Variants in DBNL observed in about 807,000 individuals in gnomAD.
DBNL encodes drebrin-like protein.
In DBNL, 35 loss-of-function variants were observed where a neutral mutation model predicts 62.2. The ratio of observed to expected loss-of-function variants is 0.56; its 90% CI spans 0.43 to 0.75. The LOEUF is 0.75. DBNL is among the 30% of genes least tolerant of loss of function. DBNL has a pLI of 0.00. For missense variants in DBNL, 495 were observed against 578.4 expected (o/e 0.86, Z 1.48); for synonymous variants, 197 against 218.0 (o/e 0.90, Z 0.85).
In DBNL at chr7:44,058,919, G is replaced by A. The variant is rs763390346; in HGVS notation, c.771G>A (p.Pro257=). 9.3e-6 allele frequency: 15 copies of A among 1,613,686 alleles called. No homozygotes were observed. Among genetic ancestry groups the A allele is most frequent in the Admixed American group, 3.3e-5 (2 of 59,960 alleles). Residue 257 remains proline (P), a synonymous_variant, in exon 9 of 13, where the codon CCG becomes CCA. Transcript: ENST00000448521. The stretch of plus-strand genomic sequence containing the variant: ...CCCTCCAGGAGTCTGCCGTGCACCC[G>A]AGGGAGATTTTCAAGCAGAAGGAGA... ...NRNEQESAVH[P]REIFKQKERA...
chr7:44,046,648 C>T (rs1298664670), intron 1 of DBNL, among the ~76,000 whole-genome samples: 3 of 152,220 alleles, frequency 2.0e-5, no homozygotes, highest in Non-Finnish European at 4.4e-5. Flanking sequence ...TGCAGCACTA[C>T]AGGTTGTGTC....
rs1407094714 is a variant in DBNL, at chr7:44,064,334, G to A, written c.*3418G>A. 1 of 199,578 alleles carries A rather than the reference G, an allele frequency of 5.0e-6. No individual in the cohort carries two copies. Among genetic ancestry groups the A allele is most frequent in the Admixed American group, 5.3e-5 (1 of 18,826 alleles). 12.4% of individuals were successfully genotyped at this position (199,578 alleles called of 1,614,324 possible). A position where few individuals can be genotyped will look rare whatever the true frequency, so the allele number is the denominator to read the frequency against. The stretch of plus-strand genomic sequence containing the variant: ...TGCCCAGAGAGGGGCTCCAGAGGGA[G>A]ATAGGTGGTGAAGCTCATGCAGGGA... On this transcript the variant is annotated 3_prime_UTR_variant, in exon 13 of 13. Coordinates refer to ENST00000448521, the MANE Select transcript of DBNL (RefSeq NM_001014436.3).
rs1194470923 is a variant in DBNL, at chr7:44,059,474, G to A, written c.931+25G>A. 6.2e-7 allele frequency: 1 copy of A among 1,613,304 alleles called. No homozygotes were observed. Among genetic ancestry groups the A allele is most frequent in the South Asian group, 1.1e-5 (1 of 91,048 alleles). On this transcript the variant is annotated intron_variant, in intron 10 of 12. Coordinates refer to ENST00000448521, the MANE Select transcript of DBNL (RefSeq NM_001014436.3). This position sits in a 1 kb window ranked among gnomAD's most constrained non-coding sequence, Gnocchi z 4.1. The stretch of plus-strand genomic sequence containing the variant: ...GGCAAGGCGCTTGTCACCCCATGGG[G>A]ACCCTGGGGGACAGCAGTGGAGAAG...
In DBNL at chr7:44,059,921, C is replaced by T; in HGVS notation, c.1048-127C>T. On this transcript the variant is annotated intron_variant, in intron 11 of 12. Transcript: ENST00000448521. This position sits in a 1 kb window ranked among gnomAD's most constrained non-coding sequence, Gnocchi z 4.1. ...CTGGTAGGGCGGGGACAGCAGCAGC[C>T]CAGCCCCCGAGCCTGTAGACTGCTT... is the stretch of plus-strand genomic sequence containing the variant. The T allele has an allele frequency of 1.1e-6, 1 of 948,958 alleles. No homozygotes were observed. Among genetic ancestry groups the T allele is most frequent in the South Asian group, 1.6e-5 (1 of 63,204 alleles). The allele number at this position is 948,958 out of a possible 1,614,324, so 58.8% of individuals were successfully genotyped here.
At position 44,058,525 on chromosome 7, in the gene DBNL, C is replaced by A. The variant is rs536771044; in HGVS notation, c.753+45C>A. On this transcript the variant is annotated intron_variant, in intron 8 of 12. Coordinates refer to ENST00000448521, the MANE Select transcript of DBNL (RefSeq NM_001014436.3). Reference sequence around the variant, plus strand: ...CTTGTTTGGACCTGTCCTGGCCACACGCAGAAGTCCCTGATCTCGGATTGA... The same window carrying A: ...CTTGTTTGGACCTGTCCTGGCCACAAGCAGAAGTCCCTGATCTCGGATTGA... 8 of 1,607,580 alleles carry A rather than the reference C, an allele frequency of 5.0e-6. No individual in the cohort carries two copies. In the South Asian group the frequency reaches 7.8e-5, roughly 16 times the overall value.
At position 44,063,157 on chromosome 7, in the gene DBNL, C is replaced by T. The variant is rs760424587; in HGVS notation, c.*2241C>T. 1 of 582,408 alleles carries T rather than the reference C, an allele frequency of 1.7e-6. No homozygotes were observed. Among genetic ancestry groups the T allele is most frequent in the Non-Finnish European group, 3.1e-6 (1 of 319,410 alleles). The allele number at this position is 582,408 out of a possible 1,614,324, so 36.1% of individuals were successfully genotyped here. A position where few individuals can be genotyped will look rare whatever the true frequency, so the allele number is the denominator to read the frequency against. On this transcript the variant is annotated 3_prime_UTR_variant, in exon 13 of 13. Coordinates refer to ENST00000448521, the MANE Select transcript of DBNL (RefSeq NM_001014436.3). ...GGTGAAAAAAATGGGGACTTCAGCC[C>T]CACCCAAGTGGCTGTGATCTGTGGT...
chr7:44,051,774 A>AGGGCC (rs2096127019), intron 2 of DBNL, 56 bp from the exon 3 acceptor site: 1 of 1,564,260 alleles, frequency 6.4e-7, no homozygotes, highest in Non-Finnish European at 8.8e-7. Context: ...TGGTGGGACC[A>AGGGCC]GGGCCAGCAG....
intron 1 of DBNL, chr7:44,049,839 T>A (rs1427002430): frequency 5.7e-6 from 1 of 175,858 alleles, no homozygotes; most frequent in African/African-American, 2.4e-5. Context: ...AATATGTAGA[T>A]ATGTTTTGTC....
In DBNL at chr7:44,058,989, C is replaced by T. The variant is rs1049070702; in HGVS notation, c.835+6C>T. The T allele has an allele frequency of 1.9e-6, 3 of 1,613,674 alleles. No homozygotes were observed. Among genetic ancestry groups the T allele is most frequent in the Non-Finnish European group, 2.5e-6 (3 of 1,179,868 alleles). On this transcript the variant is annotated splice_donor_region_variant and intron_variant, in intron 9 of 12. Coordinates refer to ENST00000448521, the MANE Select transcript of DBNL (RefSeq NM_001014436.3). Reference sequence around the variant, plus strand: ...CATCTCCAGTCCTCAGCCTGGTGAGCTCTCCCTTTGGGCCTGGCCATGAGG... The same window carrying T: ...CATCTCCAGTCCTCAGCCTGGTGAGTTCTCCCTTTGGGCCTGGCCATGAGG...
intron 1 of DBNL, among the ~76,000 whole-genome samples, chr7:44,045,689 G>A (rs1320177291): frequency 2.0e-5 from 3 of 152,246 alleles, no homozygotes; most frequent in African/African-American, 4.8e-5. Flanking sequence ...TTCCCCTTGT[G>A]TGGGGGCCAT....
In DBNL at chr7:44,064,719, T is replaced by G. The variant is rs1442123020; in HGVS notation, c.*3803T>G. On this transcript the variant is annotated 3_prime_UTR_variant, in exon 13 of 13. Coordinates refer to ENST00000448521, the MANE Select transcript of DBNL (RefSeq NM_001014436.3). Reference sequence around the variant, plus strand: ...AGCCCTCCTTTTTCAGTGAATGATGTGGAGCCCCACGCCTAGAAAGCCTGG... The same window carrying G: ...AGCCCTCCTTTTTCAGTGAATGATGGGGAGCCCCACGCCTAGAAAGCCTGG... The G allele has an allele frequency of 1.3e-5, 12 of 929,396 alleles. No individual in the cohort carries two copies. The African/African-American group carries it at 1.3e-4, about 10-fold the overall frequency. The allele number at this position is 929,396 out of a possible 1,614,324, so 57.6% of individuals were successfully genotyped here. A position where few individuals can be genotyped will look rare whatever the true frequency, so the allele number is the denominator to read the frequency against.
chr7:44,050,354 C>T (rs1429089549), intron 2 of DBNL, 74 bp downstream of exon 2: 2 of 1,540,984 alleles, frequency 1.3e-6, no homozygotes, highest in South Asian at 1.1e-5. Context: ...GCGCACTCAG[C>T]TGTCTTGGTC....
In DBNL at chr7:44,044,704, C is replaced by G. The variant is rs1015260431; in HGVS notation, c.-34C>G. On this transcript the variant is annotated 5_prime_UTR_variant, in exon 1 of 13. Transcript: ENST00000448521. The stretch of plus-strand genomic sequence containing the variant: ...GGGGCGGCCCGGCCCGGCCCGGAAG[C>G]TACAGCAGCGGCGCGGAGACTGCGG... The G allele has an allele frequency of 2.7e-6, 4 of 1,465,450 alleles. No individual in the cohort carries two copies. The Admixed American group carries it at 9.7e-5, about 36-fold the overall frequency. The allele number at this position is 1,465,450 out of a possible 1,614,324, so 90.8% of individuals were successfully genotyped here. A position where few individuals can be genotyped will look rare whatever the true frequency, so the allele number is the denominator to read the frequency against.
chr7:44,050,975 T>C (rs2096125599), intron 2 of DBNL: 1 of 152,354 alleles, frequency 6.6e-6, no homozygotes, highest in South Asian at 2.1e-4. Context: ...ACAATCTTTC[T>C]GGGAGGTGTC....
rs1286294957 is a variant in DBNL, at chr7:44,062,736, A to T, written c.*1820A>T. ...GCGCTGGACTCCAGGCTGTTGGGGG[A>T]GGTGCCTTTATTGCCCAAGCCCACC... is the stretch of plus-strand genomic sequence containing the variant. On this transcript the variant is annotated 3_prime_UTR_variant, in exon 13 of 13. Transcript: ENST00000448521. The T allele has an allele frequency of 6.2e-7, 1 of 1,611,714 alleles. No homozygotes were observed. Among genetic ancestry groups the T allele is most frequent in the African/African-American group, 1.3e-5 (1 of 74,892 alleles).
Position 44,065,073 on chromosome 7 carries a change from ACT to A in DBNL, c.*4160_*4161del. On this transcript the variant is annotated 3_prime_UTR_variant, in exon 13 of 13. Coordinates refer to ENST00000448521, the MANE Select transcript of DBNL (RefSeq NM_001014436.3). The stretch of plus-strand genomic sequence containing the variant: ...CCAGTGGGCCCCCACCCGACTCCCC[ACT>A]CTGCAGCTTCCCAGAGGCCTTCCCA... 5 of 1,611,612 alleles carry A rather than the reference ACT, an allele frequency of 3.1e-6. No homozygotes were observed. The highest frequency in any genetic ancestry group is 3.4e-6 in the Non-Finnish European group (4 of 1,179,818).
At chr7:44,046,705 T>C (rs2096117916) in intron 1 of DBNL, among the ~76,000 whole-genome samples, 1 of 152,206 alleles carries the variant, frequency 6.6e-6, no homozygotes, top group African/African-American at 2.4e-5. Flanking sequence ...GTCACAGCCA[T>C]TAAGGTAGTT....
chr7:44,049,226 G>A (rs970075833), intron 1 of DBNL, among the ~76,000 whole-genome samples: 1 of 152,056 alleles, frequency 6.6e-6, no homozygotes, highest in African/African-American at 2.4e-5. Flanking sequence ...GCGCGATCTT[G>A]GCTCACTGCA....
In DBNL at chr7:44,068,342, T is replaced by A. The variant is rs1413792049; in HGVS notation, c.*7426T>A. ...ACAGAGAAGGGAGAGATGAAGTGAG[T>A]GATCCGATAAAGTGATATGTGAAGT... On this transcript the variant is annotated 3_prime_UTR_variant, in exon 13 of 13. Transcript: ENST00000448521. The A allele has an allele frequency of 6.6e-6, 1 of 152,002 alleles. No individual in the cohort carries two copies. The highest frequency in any genetic ancestry group is 1.9e-4 in the East Asian group (1 of 5,180). The allele number at this position is 152,002 out of a possible 1,614,324, so 9.4% of individuals were successfully genotyped here.
Sources: gnomAD v4.1 joint callset for allele counts (sites outside exome capture counted in the v4.1 genomes callset) on GRCh38, gnomAD v4.1.1 for gene constraint, Gnocchi (gnomAD v3.1) non-coding constraint, MANE v1.5 for transcripts, NCBI Gene and HGNC (gene_info 2026-07-23, HGNC 2026-07-21) for gene names.